PRMT7: variants seen among roughly 807,000 people sequenced by gnomAD.
PRMT7 encodes the protein protein arginine N-methyltransferase 7.
PRMT7 carries 75 observed loss-of-function variants against 85.4 expected under a neutral mutation model. The ratio of observed to expected loss-of-function variants is 0.88; its 90% CI spans 0.73 to 1.06. The LOEUF is 1.06. Ranked by LOEUF, PRMT7 falls within the 50% of genes least tolerant of loss-of-function variation. The pLI is 0.00. For missense variants in PRMT7, 868 were observed against 915.2 expected, an observed-to-expected ratio of 0.95 and a Z score of 0.67; for synonymous variants, 397 against 359.5, an observed-to-expected ratio of 1.10 and a Z score of -1.18.
intron 16 of PRMT7, 60 bp from the exon 17 acceptor site, chr16:68,355,663 G>A (rs956411779): frequency 4.6e-5 from 65 of 1,423,398 alleles, no homozygotes; most frequent in East Asian, 4.0e-4. Context: ...GCCGGGGAGC[G>A]GTACCTCTGT....
chr16:68,320,905 A>G (rs372746713), intron 3 of PRMT7, among the ~76,000 whole-genome samples: 39 of 152,142 alleles, frequency 2.6e-4, no homozygotes, highest in African/African-American at 9.4e-4. Flanking sequence ...GCAGTGCCCA[A>G]TGATTGAGGC....
chr16:68,321,959 T>TG (rs1198523978), intron 4 of PRMT7, among the ~76,000 whole-genome samples: 4 of 152,064 alleles, frequency 2.6e-5, no homozygotes, highest in Non-Finnish European at 5.9e-5. Flanking sequence ...CATTTTTTTT[T>TG]TTTTTTGAGA....
At chr16:68,344,193 A>G (rs1296454601) in intron 9 of PRMT7, among the ~76,000 whole-genome samples, 2 of 152,184 alleles carry the variant, frequency 1.3e-5, no homozygotes, top group Non-Finnish European at 2.9e-5. Context: ...GGTCCCGTAC[A>G]CCTGGCCTCA....
intron 9 of PRMT7, among the ~76,000 whole-genome samples, chr16:68,345,052 C>G (rs1436560879): frequency 1.3e-5 from 2 of 151,438 alleles, no homozygotes; most frequent in Non-Finnish European, 2.9e-5. Flanking sequence ...CACTTATCTC[C>G]CAAGAATGAA....
Position 68,346,180 on chromosome 16 carries a change from C to T in PRMT7, c.1091C>T (p.Pro364Leu). The T allele has an allele frequency of 1.2e-6, 2 of 1,614,104 alleles. No homozygotes were observed. The highest frequency in any genetic ancestry group is 1.7e-6 in the Non-Finnish European group (2 of 1,180,022). ...AATGAGAGAGTCCGCCAGATGCGCC[C>T]CGTGTGTGACTGCCAGGCTCACCTG... Reference protein sequence around the residue: ...EKNERVRQMRPVCDCQAHLLW... With the variant: ...EKNERVRQMRLVCDCQAHLLW... The change falls in exon 11 of 19, where the codon CCC becomes CTC. Residue 364 changes from proline (P) to leucine (L), a missense_variant. Physicochemically the swap from Pro to Leu is moderately conservative, Grantham distance 98. Coordinates refer to ENST00000441236, the MANE Select transcript of PRMT7 (RefSeq NM_019023.5).
chr16:68,337,650 A>G (rs779943197), intron 7 of PRMT7, 79 bp downstream of exon 7: 197 of 911,158 alleles, frequency 2.2e-4, no homozygotes, highest in Non-Finnish European at 1.7e-4. Context: ...ACCGTGTCCC[A>G]CACAGCCCAA....
intron 3 of PRMT7, chr16:68,318,742 A>T (rs2082159045): frequency 6.6e-6 from 1 of 152,094 alleles, no homozygotes; most frequent in African/African-American, 2.4e-5. Flanking sequence ...CCTGTTGGCC[A>T]GGCTGGTCTT....
At chr16:68,337,706 G>T in intron 7 of PRMT7, 135 bp downstream of exon 7, 1 of 445,972 alleles carries the variant, frequency 2.2e-6, no homozygotes. Flanking sequence ...CCATTCCTGG[G>T]GGGGCTCTGG....
chr16:68,347,557 T>G (rs746823022), intron 12 of PRMT7, 74 bp from the exon 13 acceptor site: 55 of 1,493,494 alleles, frequency 3.7e-5, no homozygotes, highest in Admixed American at 6.7e-5. Context: ...AGGATGGTCT[T>G]GTCGCATTTT....
intron 6 of PRMT7, among the ~76,000 whole-genome samples, chr16:68,335,544 G>A (rs1031415474): frequency 6.6e-6 from 1 of 152,032 alleles, no homozygotes; most frequent in Non-Finnish European, 1.5e-5. Context: ...GCTCCTCCAC[G>A]TGATACTGTC....
intron 7 of PRMT7, among the ~76,000 whole-genome samples, chr16:68,338,870 G>A (rs1480920895): frequency 2.6e-5 from 4 of 152,126 alleles, no homozygotes; most frequent in Admixed American, 6.5e-5. Context: ...AGCCGGAGCC[G>A]GAGCCACAGC....
chr16:68,348,631 CTTTTT>C (rs56041186), intron 14 of PRMT7, among the ~76,000 whole-genome samples, 200 bp downstream of exon 14: 3 of 67,644 alleles, frequency 4.4e-5, no homozygotes, highest in Non-Finnish European at 7.9e-5. Context: ...TTGCACTGCT[CTTTTT>C]TTTTTTTTTT....
chr16:68,339,540 C>G lies in PRMT7; in HGVS notation c.723C>G (p.Leu241=), dbSNP rs776884435. ...NQVSPADFTV[L]SDVLPMFSID... ...TGTCACCAGCCGACTTTACAGTCCT[C>G]AGCGATGTGCTGCCCATGTTCAGGT... The change falls in exon 8 of 19, where the codon CTC becomes CTG. Residue 241 remains leucine (L), a synonymous_variant. Transcript: ENST00000441236. The G allele has an allele frequency of 6.2e-7, 1 of 1,613,948 alleles. No individual in the cohort carries two copies. The highest frequency in any genetic ancestry group is 8.5e-7 in the Non-Finnish European group (1 of 1,180,028).
At position 68,344,933 on chromosome 16, in the gene PRMT7, T is replaced by TACAAACACACACACACACACACAC. The variant is rs1555563401; in HGVS notation, c.928-739_928-738insAACACACACACACACACACACACA. On this transcript the variant is annotated intron_variant, in intron 9 of 18. Transcript: ENST00000441236. ...CTTTCTGCCTCCCTTCCTGCATCTC[T>TACAAACACACACACACACACACAC]ACACACACACACACACACACACACG... is the stretch of plus-strand genomic sequence containing the variant. 2.2e-3 allele frequency among the ~76,000 whole-genome samples: 283 copies of TACAAACACACACACACACACACAC among 131,164 alleles called. 3 individuals are homozygous for TACAAACACACACACACACACACAC. The East Asian group carries it at 0.035, about 16-fold the overall frequency. The allele number at this position is 131,164 out of a possible 152,430, so 86.0% of individuals were successfully genotyped here.
intron 3 of PRMT7, among the ~76,000 whole-genome samples, chr16:68,317,851 A>C (rs1027832865): frequency 3.5e-5 from 2 of 57,756 alleles, no homozygotes; most frequent in African/African-American, 3.4e-4. Flanking sequence ...AAAAGAAAAA[A>C]AACCACACAC....
At position 68,324,785 on chromosome 16, in the gene PRMT7, T is replaced by G. The variant is rs761964657; in HGVS notation, c.235T>G (p.Ser79Ala). Reference protein sequence around the residue: ...LDIGTGTGLLSMMAVTAGADF... With the variant: ...LDIGTGTGLLAMMAVTAGADF... Reference sequence around the variant, plus strand: ...CATTGGCACTGGCACGGGACTCTTGTCAATGATGGCGGTCACAGCAGGTGC... The same window carrying G: ...CATTGGCACTGGCACGGGACTCTTGGCAATGATGGCGGTCACAGCAGGTGC... Residue 79 changes from serine (S) to alanine (A), a missense_variant, in exon 5 of 19, where the codon TCA becomes GCA. Physicochemically the swap from Ser to Ala is moderately conservative, Grantham distance 99. Coordinates refer to ENST00000441236, the MANE Select transcript of PRMT7 (RefSeq NM_019023.5). 1.9e-6 allele frequency: 3 copies of G among 1,614,150 alleles called. No individual in the cohort carries two copies. Among genetic ancestry groups the G allele is most frequent in the Non-Finnish European group, 2.5e-6 (3 of 1,180,012 alleles).
At chr16:68,329,403 C>A in intron 6 of PRMT7, 1 of 344,174 alleles carries the variant, frequency 2.9e-6, no homozygotes, top group Non-Finnish European at 5.5e-6. Context: ...AATGGAGACG[C>A]AAACAAAACC....
At chr16:68,342,224 G>A (rs1210625025) in intron 9 of PRMT7, among the ~76,000 whole-genome samples, 1 of 152,186 alleles carries the variant, frequency 6.6e-6, no homozygotes, top group East Asian at 1.9e-4. Context: ...ATTGAAGTGA[G>A]CTGAGGTCAC....
intron 6 of PRMT7, among the ~76,000 whole-genome samples, chr16:68,330,453 A>G (rs965663087): frequency 1.3e-5 from 2 of 152,100 alleles, no homozygotes; most frequent in African/African-American, 4.8e-5. Flanking sequence ...GCACTACTGC[A>G]CCTGGCTTTT....
Sources: allele counts gnomAD v4.1 joint callset (sites outside exome capture counted in the v4.1 genomes callset), GRCh38; gene constraint gnomAD v4.1.1; transcripts MANE v1.5; gene names NCBI Gene and HGNC (gene_info 2026-07-23, HGNC 2026-07-21).